Variants in CENPP observed in about 807,000 individuals in gnomAD.
CENPP encodes centromere protein P.
CENPP carries 24 observed loss-of-function variants against 35.6 expected under a neutral mutation model. The observed-to-expected ratio is 0.67, with a 90% CI of 0.49 to 0.95. The LOEUF is 0.95. CENPP is among the 40% of genes least tolerant of loss of function. CENPP has a pLI of 0.00. For synonymous variants in CENPP, 120 were observed against 125.5 expected (o/e 0.96, Z 0.29); for missense variants, 332 against 345.3 (o/e 0.96, Z 0.31).
At chr9:92,359,100 C>T (rs1489575625) in intron 4 of CENPP, among the ~76,000 whole-genome samples, 1 of 151,922 alleles carries the variant, frequency 6.6e-6, no homozygotes, top group Non-Finnish European at 1.5e-5. Context: ...AAGGCATGTG[C>T]CACCACACCC....
At chr9:92,448,723 T>C (rs900890717) in intron 5 of CENPP, among the ~76,000 whole-genome samples, 1 of 152,076 alleles carries the variant, frequency 6.6e-6, no homozygotes, top group African/African-American at 2.4e-5. Context: ...TGAAAAGGTA[T>C]CCCAAAAAGC....
intron 5 of CENPP, among the ~76,000 whole-genome samples, chr9:92,541,748 AGTAAACATG>A (rs1259124526): frequency 6.6e-6 from 1 of 152,038 alleles, no homozygotes; most frequent in Non-Finnish European, 1.5e-5. Flanking sequence ...ATAATGCTGC[AGTAAACATG>A]GGAGTTCAGT....
chr9:92,494,763 G>A (rs900885753), intron 5 of CENPP, among the ~76,000 whole-genome samples: 3 of 151,928 alleles, frequency 2.0e-5, no homozygotes, highest in Admixed American at 6.6e-5. Context: ...AAACATTAGC[G>A]GGGAGTGGTG....
intron 5 of CENPP, among the ~76,000 whole-genome samples, chr9:92,504,660 G>A (rs980004816): frequency 6.6e-6 from 1 of 152,032 alleles, no homozygotes; most frequent in Admixed American, 6.6e-5. Context: ...TCAGCCTCCT[G>A]AGCAGCTACG....
intron 5 of CENPP, among the ~76,000 whole-genome samples, chr9:92,438,767 A>G (rs569305073): frequency 1.3e-5 from 2 of 152,354 alleles, no homozygotes; most frequent in African/African-American, 4.8e-5. Context: ...AGCCTGGCCA[A>G]CATGGTGAAA....
chr9:92,393,325 T>G, intron 5 of CENPP: 1 of 1,054,544 alleles, frequency 9.5e-7, no homozygotes, highest in Non-Finnish European at 1.4e-6. Flanking sequence ...ATTGCTATTA[T>G]GAATGCTATT....
At chr9:92,410,292 A>G (rs889497563) in intron 5 of CENPP, among the ~76,000 whole-genome samples, 1 of 152,166 alleles carries the variant, frequency 6.6e-6, no homozygotes, top group African/African-American at 2.4e-5. Context: ...AGGCATTTTC[A>G]AGTACCAAAA....
intron 5 of CENPP, among the ~76,000 whole-genome samples, chr9:92,608,095 C>T (rs760973422): frequency 2.2e-4 from 33 of 152,322 alleles, no homozygotes; most frequent in Admixed American, 1.0e-3. Context: ...CCCCTCCCAA[C>T]AGCCACCCCT....
chr9:92,546,546 G>A (rs1588263284), intron 5 of CENPP, among the ~76,000 whole-genome samples: 1 of 152,158 alleles, frequency 6.6e-6, no homozygotes, highest in Non-Finnish European at 1.5e-5. Context: ...TCAACGCCAA[G>A]GTCTGCAGCT....
rs1851453885 is a variant in CENPP, at chr9:92,616,815, G to C, written c.*3666G>C. 1 of 152,288 alleles carries C rather than the reference G, an allele frequency of 6.6e-6. No homozygotes were observed. The highest frequency in any genetic ancestry group is 6.5e-5 in the Admixed American group (1 of 15,280). The allele number at this position is 152,288 out of a possible 1,614,324, so 9.4% of individuals were successfully genotyped here. A position where few individuals can be genotyped will look rare whatever the true frequency, so the allele number is the denominator to read the frequency against. ...TTCGTCTCCGGGCACTCAGCGCACA[G>C]CACTCAAGACACTGGCTAAACAAGT... is the stretch of plus-strand genomic sequence containing the variant. On this transcript the variant is annotated 3_prime_UTR_variant, in exon 8 of 8. Transcript: ENST00000375587.
chr9:92,416,098 AT>A lies in CENPP; in HGVS notation c.564+36243del, dbSNP rs1354339127. On this transcript the variant is annotated intron_variant, in intron 5 of 7. Transcript: ENST00000375587. ...TATTTATTTATTTATTTATTTATTT[AT>A]TTTATTTTTTTTTTTTTTAAGACAG... is the stretch of plus-strand genomic sequence containing the variant. 2.9e-3 allele frequency among the ~76,000 whole-genome samples: 392 copies of A among 133,320 alleles called. 3 individuals carry two copies. Among genetic ancestry groups the A allele is most frequent in the African/African-American group, 0.011 (350 of 33,042 alleles). The allele number at this position is 133,320 out of a possible 152,430, so 87.5% of individuals were successfully genotyped here. A position where few individuals can be genotyped will look rare whatever the true frequency, so the allele number is the denominator to read the frequency against.
intron 5 of CENPP, among the ~76,000 whole-genome samples, chr9:92,507,559 G>T (rs1349987482): frequency 2.6e-5 from 4 of 152,206 alleles, no homozygotes; most frequent in Non-Finnish European, 5.9e-5. Flanking sequence ...GATGTTGAAA[G>T]GATTCATGGA....
At chr9:92,588,784 C>A (rs1470094032) in intron 5 of CENPP, among the ~76,000 whole-genome samples, 3 of 152,080 alleles carry the variant, frequency 2.0e-5, no homozygotes, top group Non-Finnish European at 4.4e-5. Context: ...GAAGGTGGAA[C>A]CTTGGCTGGG....
At chr9:92,500,878 C>G in intron 5 of CENPP, 1 of 1,614,166 alleles carries the variant, frequency 6.2e-7, no homozygotes. Flanking sequence ...CCATCATCAG[C>G]AAGTTTGTTA....
intron 4 of CENPP, among the ~76,000 whole-genome samples, chr9:92,361,382 C>T (rs905626494): frequency 6.6e-6 from 1 of 151,920 alleles, no homozygotes; most frequent in Non-Finnish European, 1.5e-5. Context: ...CTCAAGTGAT[C>T]CATGCACCTC....
At chr9:92,469,478 C>A (rs1220463330) in intron 5 of CENPP, among the ~76,000 whole-genome samples, 1 of 152,136 alleles carries the variant, frequency 6.6e-6, no homozygotes, top group Non-Finnish European at 1.5e-5. Flanking sequence ...ACTGCACTGA[C>A]CCAGGGTGAC....
chr9:92,337,989 C>A (rs1840983886), intron 3 of CENPP, among the ~76,000 whole-genome samples: 1 of 152,212 alleles, frequency 6.6e-6, no homozygotes, highest in South Asian at 2.1e-4. Context: ...GCTGCTTAAC[C>A]AGTCTCCATA....
intron 5 of CENPP, chr9:92,495,499 A>G: frequency 1.0e-6 from 1 of 983,274 alleles, no homozygotes; most frequent in Non-Finnish European, 1.2e-6. Flanking sequence ...TTACAAGGTT[A>G]TAGTCAAGAA....
intron 5 of CENPP, chr9:92,510,149 A>G: frequency 8.4e-7 from 1 of 1,189,492 alleles, no homozygotes; most frequent in Non-Finnish European, 1.1e-6. Flanking sequence ...AGGCTTAGAC[A>G]GTAATGTCCA....
Sources: allele counts gnomAD v4.1 joint callset (sites outside exome capture counted in the v4.1 genomes callset), GRCh38; gene constraint gnomAD v4.1.1; transcripts MANE v1.5; gene names NCBI Gene and HGNC (gene_info 2026-07-23, HGNC 2026-07-21).